TNS3: variants seen among roughly 807,000 people sequenced by gnomAD.
The protein encoded by TNS3 is tensin 3, also known as tensin-3.
A neutral mutation model predicts 140.9 loss-of-function variants in TNS3; 45 were observed. The observed-to-expected ratio is 0.32, with a 90% confidence interval of 0.25 to 0.41. The LOEUF (loss-of-function observed/expected upper bound fraction) is 0.41. Among genes scored for constraint, TNS3 ranks in the 10% least tolerant of loss-of-function variants. TNS3 has a pLI of 1.00. For missense variants in TNS3, 1,716 were observed against 1,906.7 expected (o/e 0.90, Z 1.86); for synonymous variants, 815 against 788.4 (o/e 1.03, Z -0.56).
At chr7:47,531,043 C>A (rs1272520778) in intron 1 of TNS3, among the ~76,000 whole-genome samples, 2 of 151,270 alleles carry the variant, frequency 1.3e-5, no homozygotes, top group African/African-American at 2.4e-5. Flanking sequence ...GAGAAGACAG[C>A]AGTATAATAG....
At chr7:47,432,842 G>A (rs1794989287) in intron 8 of TNS3, among the ~76,000 whole-genome samples, 1 of 152,220 alleles carries the variant, frequency 6.6e-6, no homozygotes, top group Non-Finnish European at 1.5e-5. Context: ...AAACACAAGA[G>A]GGCACGATAG....
At chr7:47,316,032 T>C (rs1370876134) in intron 20 of TNS3, among the ~76,000 whole-genome samples, 2 of 151,432 alleles carry the variant, frequency 1.3e-5, no homozygotes, top group African/African-American at 2.4e-5. Flanking sequence ...GGCCCATAAA[T>C]ACACAGTCAT....
chr7:47,296,222 A>C (rs1022660747), intron 24 of TNS3, among the ~76,000 whole-genome samples: 1 of 152,238 alleles, frequency 6.6e-6, no homozygotes, highest in African/African-American at 2.4e-5. Flanking sequence ...GAATGGATCA[A>C]TTGGCTGTAG....
chr7:47,418,709 C>T (rs188058193), intron 10 of TNS3, among the ~76,000 whole-genome samples: 2 of 152,266 alleles, frequency 1.3e-5, no homozygotes, highest in East Asian at 1.9e-4. Context: ...TGTAAGCAAA[C>T]GAACATAAAA....
intron 17 of TNS3, among the ~76,000 whole-genome samples, chr7:47,359,670 T>G (rs1423379970): frequency 6.6e-6 from 1 of 152,252 alleles, no homozygotes; most frequent in Admixed American, 6.5e-5. Flanking sequence ...ATGACTTTAT[T>G]GTGAATTACT....
chr7:47,442,970 T>A (rs1795541760), intron 4 of TNS3, among the ~76,000 whole-genome samples: 1 of 152,204 alleles, frequency 6.6e-6, no homozygotes, highest in Non-Finnish European at 1.5e-5. Context: ...TCTATGTATA[T>A]TTCGGAGACC....
chr7:47,286,499 C>T (rs1243682096), intron 27 of TNS3, among the ~76,000 whole-genome samples: 1 of 152,140 alleles, frequency 6.6e-6, no homozygotes, highest in Admixed American at 6.5e-5. Context: ...TCCAATGCCA[C>T]TTGACAGGTG....
intron 17 of TNS3, among the ~76,000 whole-genome samples, chr7:47,349,472 G>A (rs575983375): frequency 6.6e-6 from 1 of 152,344 alleles, no homozygotes; most frequent in African/African-American, 2.4e-5. Flanking sequence ...CTGTGGGTCT[G>A]AGGCCAGAAA....
chr7:47,549,732 C>G (rs1800012308), intron 1 of TNS3, among the ~76,000 whole-genome samples: 1 of 152,148 alleles, frequency 6.6e-6, no homozygotes, highest in Non-Finnish European at 1.5e-5. Flanking sequence ...AAACTCACCT[C>G]TAAGAGGGCA....
Position 47,541,533 on chromosome 7 carries a change from C to T in TNS3, c.-264-12386G>A, listed in dbSNP as rs115821770. Among the ~76,000 whole-genome samples the T allele has an allele frequency of 1.0e-3, 155 of 152,128 alleles. 2 individuals are homozygous for T. Among genetic ancestry groups the T allele is most frequent in the Admixed American group, 4.2e-3 (64 of 15,280 alleles). On this transcript the variant is annotated intron_variant, in intron 1 of 30. Transcript: ENST00000311160. ...TTTAACAAAAAGACACAGGGGCCAG[C>T]CTGAAGAGGCTCCCACCAGGCAAAC... is the stretch of plus-strand genomic sequence containing the variant.
intron 3 of TNS3, among the ~76,000 whole-genome samples, chr7:47,496,218 G>A (rs1312505959): frequency 3.9e-5 from 6 of 152,196 alleles, no homozygotes; most frequent in South Asian, 4.1e-4. Context: ...AGATAAGCAC[G>A]TCAAAAAAGG....
chr7:47,512,173 G>A (rs1377320549), intron 2 of TNS3, among the ~76,000 whole-genome samples: 2 of 152,242 alleles, frequency 1.3e-5, no homozygotes, highest in East Asian at 1.9e-4. Context: ...GGAACACCCA[G>A]TGAGCTGGTG....
chr7:47,572,884 A>C (rs1447005620), intron 1 of TNS3, among the ~76,000 whole-genome samples: 2 of 152,024 alleles, frequency 1.3e-5, no homozygotes, highest in South Asian at 2.1e-4. Context: ...AGCAAAACAT[A>C]GCAACTCTGT....
chr7:47,467,677 C>T (rs557007968), intron 4 of TNS3, among the ~76,000 whole-genome samples: 1 of 152,156 alleles, frequency 6.6e-6, no homozygotes, highest in Admixed American at 6.5e-5. Flanking sequence ...CTGAGGAAAC[C>T]GCCATGGTAC....
At chr7:47,440,868 T>G (rs1412751303) in intron 5 of TNS3, among the ~76,000 whole-genome samples, 1 of 152,186 alleles carries the variant, frequency 6.6e-6, no homozygotes, top group Non-Finnish European at 1.5e-5. Context: ...TTTCTCTCTT[T>G]CTTTTAATTT....
intron 1 of TNS3, among the ~76,000 whole-genome samples, chr7:47,570,821 CTT>C (rs1800534904): frequency 6.6e-6 from 1 of 151,796 alleles, no homozygotes; most frequent in Non-Finnish European, 1.5e-5. Flanking sequence ...CATTTTTTTT[CTT>C]TCTTTTTTTT....
Position 47,303,158 on chromosome 7 carries a change from T to C in TNS3, c.3249A>G (p.Pro1083=). Reference sequence around the variant, plus strand: ...GGGTCACACCCTGGCCCTGCAGGCCTGGACTGTGGTGGCTGCTGTGTCCAG... The same window carrying C: ...GGGTCACACCCTGGCCCTGCAGGCCCGGACTGTGGTGGCTGCTGTGTCCAG... ...VAPGHSSHHS[P]GLQGQGVTLP... is the part of the protein sequence containing the mutation. The change falls in exon 22 of 31, where the codon CCA becomes CCG. Residue 1083 remains proline (P), a synonymous_variant. Transcript: ENST00000311160. 1 of 1,613,830 alleles carries C rather than the reference T, an allele frequency of 6.2e-7. No homozygotes were observed. The highest frequency in any genetic ancestry group is 8.5e-7 in the Non-Finnish European group (1 of 1,179,968).
chr7:47,331,537 C>T (rs564399293), intron 20 of TNS3, among the ~76,000 whole-genome samples: 1 of 152,358 alleles, frequency 6.6e-6, no homozygotes, highest in South Asian at 2.1e-4. Context: ...CTCACACCAT[C>T]CCTCTGCCAG....
chr7:47,424,184 G>C lies in TNS3; in HGVS notation c.390C>G (p.Ser130Arg), dbSNP rs757414424. The change falls in exon 10 of 31, where the codon AGC (serine) becomes AGG (arginine). Residue 130 changes from serine to arginine, a missense_variant and splice_region_variant. Physicochemically the swap from Ser to Arg is moderately radical, Grantham distance 110 (BLOSUM62 -1). This residue lies in a region of TNS3 where 337 missense variants were observed against 428.9 expected (regional missense o/e 0.79). Transcript: ENST00000311160. ...CAAACCTGTCAAGGGCCTGGTCGGC[G>C]CTGAAGGGGAGAGAGAGAGAAAGAG... is the stretch of plus-strand genomic sequence containing the variant. ...SYMHFTNVSA[S>R]ADQALDRFAM... The C allele has an allele frequency of 6.8e-6, 11 of 1,613,876 alleles. No homozygotes were observed. Among genetic ancestry groups the C allele is most frequent in the East Asian group, 2.2e-5 (1 of 44,876 alleles).
Sources: allele counts gnomAD v4.1 joint callset (sites outside exome capture counted in the v4.1 genomes callset), GRCh38; gene constraint gnomAD v4.1.1; regional missense constraint gnomAD v4.1.1; transcripts MANE v1.5; gene names NCBI Gene and HGNC (gene_info 2026-07-23, HGNC 2026-07-21).